The following CWF19L2 variants were observed in gnomAD, a reference collection of about 807,000 sequenced individuals.
CWF19L2 encodes the protein CWF19-like protein 2.
In CWF19L2, 98 loss-of-function variants were observed where a neutral mutation model predicts 111.7. The observed-to-expected ratio is 0.88, with a 90% CI of 0.75 to 1.04. CWF19L2 has a LOEUF of 1.04. CWF19L2 is among the 50% of genes least tolerant of loss of function. The pLI is 0.00. For synonymous variants in CWF19L2, 351 were observed against 342.9 expected, an observed-to-expected ratio of 1.02 and a Z score of -0.26; for missense variants, 1,101 against 1,051.4, an observed-to-expected ratio of 1.05 and a Z score of -0.65.
At chr11:107,336,276 A>G (rs1859921973) in intron 15 of CWF19L2, among the ~76,000 whole-genome samples, 1 of 152,010 alleles carries the variant, frequency 6.6e-6, no homozygotes, top group South Asian at 2.1e-4. Context: ...CCTCCTGAGT[A>G]GCTGGGACTA....
At chr11:107,452,036 T>A (rs892690564) in intron 3 of CWF19L2, among the ~76,000 whole-genome samples, 2 of 152,168 alleles carry the variant, frequency 1.3e-5, no homozygotes, top group African/African-American at 4.8e-5. Context: ...TCATGTCCAC[T>A]CTCACCACTT....
chr11:107,415,473 T>C (rs1027334353), intron 10 of CWF19L2, among the ~76,000 whole-genome samples: 8 of 152,238 alleles, frequency 5.3e-5, no homozygotes, highest in African/African-American at 1.9e-4. Context: ...GAAAGTTCCA[T>C]GCAGGTAGGT....
At chr11:107,452,907 T>C (rs1480010710) in intron 3 of CWF19L2, among the ~76,000 whole-genome samples, 1 of 151,858 alleles carries the variant, frequency 6.6e-6, no homozygotes, top group Non-Finnish European at 1.5e-5. Flanking sequence ...AGCCCAGGAG[T>C]TTGAGGCTGC....
intron 11 of CWF19L2, among the ~76,000 whole-genome samples, chr11:107,391,072 G>A (rs1185606388): frequency 1.3e-5 from 2 of 152,130 alleles, no homozygotes; most frequent in South Asian, 2.1e-4. Context: ...GGGATTCTCG[G>A]GCCTTCAGCC....
intron 14 of CWF19L2, among the ~76,000 whole-genome samples, chr11:107,341,668 GTCAAT>G (rs762959228): frequency 5.1e-4 from 77 of 152,230 alleles, no homozygotes; most frequent in Non-Finnish European, 6.8e-4. Context: ...TAAAATTGGT[GTCAAT>G]TCTTTAAAAG....
rs945442842 is a variant in CWF19L2 at position 107,345,282 on chromosome 11, T to C, written c.2202+3655A>G. The C allele has an allele frequency of 2.0e-5, 5 of 244,064 alleles. No homozygotes were observed. The East Asian group carries it at 5.6e-4, about 27-fold the overall frequency. 15.1% of individuals were successfully genotyped at this position (244,064 alleles called of 1,614,324 possible). A position where few individuals can be genotyped will look rare whatever the true frequency, so the allele number is the denominator to read the frequency against. ...CATAGAGTGAGAAGATAACCTTATA[T>C]ACTAGAAAAAACAAAATCGTTAACA... On this transcript the variant is annotated intron_variant, in intron 14 of 17. Transcript: ENST00000282251.
rs559194963 is a variant in CWF19L2 at position 107,419,217 on chromosome 11, A to G, written c.1434-930T>C. On this transcript the variant is annotated intron_variant, in intron 8 of 17. Transcript: ENST00000282251. The stretch of plus-strand genomic sequence containing the variant: ...ACGTAATTCAAAAAGCACTAGACAC[A>G]GTATTAAAGAGTCTTGCTTCATTAG... Among the ~76,000 whole-genome samples the G allele has an allele frequency of 3.3e-5, 5 of 152,334 alleles. 1 individual carries two copies. The South Asian group carries it at 1.0e-3, about 32-fold the overall frequency.
At chr11:107,360,617 T>C (rs1860312963) in intron 12 of CWF19L2, among the ~76,000 whole-genome samples, 2 of 152,318 alleles carry the variant, frequency 1.3e-5, no homozygotes, top group South Asian at 4.1e-4. Flanking sequence ...GCATAAGAGC[T>C]CCCTTATCTC....
chr11:107,454,472 T>C lies in CWF19L2; in HGVS notation c.317A>G (p.Asn106Ser). Residue 106 changes from asparagine to serine, a missense_variant, in exon 3 of 18, where the codon AAT becomes AGT. Physicochemically the swap from Asn to Ser is conservative, Grantham distance 46. Coordinates refer to ENST00000282251, the MANE Select transcript of CWF19L2 (RefSeq NM_152434.3). ...KSKKQKYEKN[N>S]ESSDSSSSSE... ...TACTGATGAGCTATCAGATGACTCA[T>C]TGTTTTTTTCATATTTCTGTTTCTT... 3 of 1,457,056 alleles carry C rather than the reference T, an allele frequency of 2.1e-6. No homozygotes were observed. Among genetic ancestry groups the C allele is most frequent in the African/African-American group, 1.5e-5 (1 of 68,842 alleles). The allele number at this position is 1,457,056 out of a possible 1,614,324, so 90.3% of individuals were successfully genotyped here.
intron 1 of CWF19L2, among the ~76,000 whole-genome samples, chr11:107,456,086 A>G (rs1339994822): frequency 2.6e-5 from 4 of 152,128 alleles, no homozygotes; most frequent in Non-Finnish European, 2.9e-5. Flanking sequence ...ATGACTTGGA[A>G]TCCCTTTTCC....
intron 14 of CWF19L2, among the ~76,000 whole-genome samples, chr11:107,346,249 A>G (rs1175372487): frequency 6.6e-6 from 1 of 152,190 alleles, no homozygotes; most frequent in African/African-American, 2.4e-5. Context: ...AACATGTTTA[A>G]ATATAAAGTT....
intron 8 of CWF19L2, among the ~76,000 whole-genome samples, chr11:107,425,415 C>T (rs772834150): frequency 2.0e-5 from 3 of 151,802 alleles, no homozygotes; most frequent in Non-Finnish European, 4.4e-5. Context: ...AAATACTTAT[C>T]ATTGTGTTAC....
chr11:107,444,488 T>C (rs1003687779), intron 3 of CWF19L2, among the ~76,000 whole-genome samples: 3 of 152,234 alleles, frequency 2.0e-5, no homozygotes, highest in African/African-American at 7.2e-5. Flanking sequence ...CTCCTTTGCT[T>C]AGCCCTTAAA....
intron 10 of CWF19L2, among the ~76,000 whole-genome samples, chr11:107,408,053 A>C (rs1861105811): frequency 6.6e-6 from 1 of 152,000 alleles, no homozygotes; most frequent in Non-Finnish European, 1.5e-5. Flanking sequence ...AAAGTTACAA[A>C]ATGGTAACAG....
chr11:107,337,895 T>C lies in CWF19L2; in HGVS notation c.2203-1182A>G, dbSNP rs543821455. 2.0e-5 allele frequency among the ~76,000 whole-genome samples: 3 copies of C among 152,120 alleles called. No homozygotes were observed. The South Asian group carries it at 6.2e-4, about 32-fold the overall frequency. On this transcript the variant is annotated intron_variant, in intron 14 of 17. Coordinates refer to ENST00000282251, the MANE Select transcript of CWF19L2 (RefSeq NM_152434.3). ...ACAGATCACATGTAGTTATAAGAAA[T>C]AATACAGAGAGATCCCATGTATGCT...
At chr11:107,437,928 AAC>A (rs956751117) in intron 6 of CWF19L2, among the ~76,000 whole-genome samples, 1 of 152,218 alleles carries the variant, frequency 6.6e-6, no homozygotes, top group Non-Finnish European at 1.5e-5. Context: ...CTATCTATGA[AAC>A]AGTATTTCAA....
intron 10 of CWF19L2, among the ~76,000 whole-genome samples, chr11:107,394,571 C>G (rs1003907877): frequency 6.6e-6 from 1 of 152,206 alleles, no homozygotes; most frequent in Admixed American, 6.5e-5. Flanking sequence ...GCCTTTACCT[C>G]TCTGACACAT....
rs1034710882 is a variant in CWF19L2 at position 107,326,694 on chromosome 11, T to C, written c.*216A>G. 75 of 412,174 alleles carry C rather than the reference T, an allele frequency of 1.8e-4. No individual in the cohort carries two copies. Among genetic ancestry groups the C allele is most frequent in the Non-Finnish European group, 3.0e-4 (70 of 233,434 alleles). The allele number at this position is 412,174 out of a possible 1,614,324, so 25.5% of individuals were successfully genotyped here. ...GAATGTGAGCAGATCATCGAATATA[T>C]GTTTTTACTCCATGGTGACTAAAAT... On this transcript the variant is annotated 3_prime_UTR_variant, in exon 18 of 18. Transcript: ENST00000282251.
intron 12 of CWF19L2, among the ~76,000 whole-genome samples, chr11:107,383,364 G>A (rs192246813): frequency 3.9e-5 from 6 of 152,124 alleles, no homozygotes; most frequent in East Asian, 1.9e-4. Flanking sequence ...TCCACTGCTC[G>A]GTGCGTGGAG....
Sources: allele counts gnomAD v4.1 joint callset (sites outside exome capture counted in the v4.1 genomes callset), GRCh38; gene constraint gnomAD v4.1.1; transcripts MANE v1.5; gene names NCBI Gene and HGNC (gene_info 2026-07-23, HGNC 2026-07-21).